The following LUZP1 variants were observed in gnomAD, a reference collection of about 807,000 sequenced individuals.
LUZP1 encodes the protein filamin mechanobinding actin cross-linking protein.
A neutral mutation model predicts 71.3 loss-of-function variants in LUZP1; 25 were observed. The observed-to-expected ratio is 0.35, with a 90% CI of 0.26 to 0.49. The LOEUF (loss-of-function observed/expected upper bound fraction) is 0.49. LUZP1 is among the 20% of genes least tolerant of loss of function. The pLI is 0.99. For synonymous variants in LUZP1, 481 were observed against 506.4 expected (o/e 0.95, Z 0.67); for missense variants, 1,142 against 1,300.8 (o/e 0.88, Z 1.88).
chr1:23,128,687 A>G (rs536644817), intron 2 of LUZP1, among the ~76,000 whole-genome samples: 10 of 152,380 alleles, frequency 6.6e-5, no homozygotes, highest in African/African-American at 2.4e-4. Context: ...AATTGGCACT[A>G]TTAAGTCTCC....
At chr1:23,133,764 A>AAAATAAATAAATAAAT (rs61270548) in intron 2 of LUZP1, 1 of 148,314 alleles carries the variant, frequency 6.7e-6, no homozygotes, top group African/African-American at 2.5e-5. Flanking sequence ...CTCCATCTCA[A>AAAATAAATAAATAAAT]AAATAAATAA....
At chr1:23,116,983 G>A (rs1038149371) in intron 2 of LUZP1, among the ~76,000 whole-genome samples, 2 of 152,200 alleles carry the variant, frequency 1.3e-5, no homozygotes, top group African/African-American at 4.8e-5. Flanking sequence ...GGTATCAGAA[G>A]AAGAATACTA....
chr1:23,137,448 C>G (rs1644263438), intron 2 of LUZP1, among the ~76,000 whole-genome samples: 1 of 152,106 alleles, frequency 6.6e-6, no homozygotes, highest in Non-Finnish European at 1.5e-5. Context: ...CAAAACCAGC[C>G]TGGCCAACAT....
rs1644588221 is a variant in LUZP1 at position 23,177,285 on chromosome 1, G to GAGGCAAATTACATT, written c.-485+205_-485+206insAATGTAATTTGCCT. ...CACAACATGTTACACAATTACAAGG[G>GAGGCAAATTACATT]GTTCACAGACCTCTGAGAGGACATC... On this transcript the variant is annotated intron_variant, in intron 1 of 4. Coordinates refer to ENST00000302291, the Ensembl canonical transcript of LUZP1. Among the ~76,000 whole-genome samples, 4 of 152,194 alleles carry GAGGCAAATTACATT rather than the reference G, an allele frequency of 2.6e-5. No individual in the cohort carries two copies. In the South Asian group the frequency reaches 8.3e-4, roughly 32 times the overall value.
At chr1:23,166,377 G>T (rs1023482989) in intron 2 of LUZP1, among the ~76,000 whole-genome samples, 1 of 152,056 alleles carries the variant, frequency 6.6e-6, no homozygotes, top group Non-Finnish European at 1.5e-5. Flanking sequence ...GATGCTGACT[G>T]GGAGCGGTGG....
exon 4 of LUZP1, chr1:23,091,262 T>C (rs1381789764): frequency 6.2e-7 from 1 of 1,613,938 alleles, no homozygotes; most frequent in Non-Finnish European, 8.5e-7. Flanking sequence ...TAAGCACCTC[T>C]GACACAGTGA....
chr1:23,167,637 T>C (rs1208801279), intron 2 of LUZP1, among the ~76,000 whole-genome samples: 2 of 152,092 alleles, frequency 1.3e-5, no homozygotes, highest in Non-Finnish European at 2.9e-5. Flanking sequence ...AGGAAAGGGG[T>C]TGACGCGATG....
At chr1:23,128,958 T>C (rs539274698) in intron 2 of LUZP1, among the ~76,000 whole-genome samples, 1 of 152,368 alleles carries the variant, frequency 6.6e-6, no homozygotes, top group Non-Finnish European at 1.5e-5. Context: ...CATAAGCCTA[T>C]ATATTGATTA....
At chr1:23,128,113 G>C (rs1035078945) in intron 2 of LUZP1, among the ~76,000 whole-genome samples, 6 of 151,900 alleles carry the variant, frequency 3.9e-5, no homozygotes, top group Non-Finnish European at 1.5e-5. Flanking sequence ...CCTGGTGACA[G>C]AGCGAGACTC....
At chr1:23,088,926 C>T (rs770562926) in exon 5 of LUZP1, 12 of 1,614,102 alleles carry the variant, frequency 7.4e-6, no homozygotes, top group Middle Eastern at 1.6e-4. Context: ...CCTGGTTGGC[C>T]GTAATCGTTC....
intron 2 of LUZP1, among the ~76,000 whole-genome samples, chr1:23,158,411 A>G (rs9426691): frequency 0.33 from 49,798 of 151,674 alleles, 8,565 homozygotes; most frequent in East Asian, 0.45. Context: ...AGCACTTTGG[A>G]AGGCCAAGGC....
intron 3 of LUZP1, among the ~76,000 whole-genome samples, chr1:23,102,135 T>C (rs774670035): frequency 2.6e-5 from 4 of 152,166 alleles, no homozygotes; most frequent in Non-Finnish European, 5.9e-5. Flanking sequence ...GGAAACTGTT[T>C]ATATTAAACC....
In LUZP1 at chr1:23,093,591, AT is replaced by A; in HGVS notation, c.670del (p.Met224Ter). The A allele has an allele frequency of 6.2e-7, 1 of 1,613,450 alleles. No individual in the cohort carries two copies. The highest frequency in any genetic ancestry group is 1.1e-5 in the South Asian group (1 of 90,828). On this transcript the variant is annotated frameshift_variant, in exon 4 of 5. Coordinates refer to ENST00000302291, the Ensembl canonical transcript of LUZP1. LOFTEE classifies it high-confidence loss of function. This position sits in a 1 kb window ranked among gnomAD's most constrained non-coding sequence, Gnocchi z 4.2. Reference sequence around the variant, plus strand: ...AGCATTCCTTGTATAATCTCGGTTCATTTTTTTGTTCTGCTCTAGTTTTTGA... The same window carrying A: ...AGCATTCCTTGTATAATCTCGGTTCATTTTTTGTTCTGCTCTAGTTTTTGA...
At chr1:23,174,949 A>G (rs1238164423) in intron 1 of LUZP1, among the ~76,000 whole-genome samples, 3 of 152,172 alleles carry the variant, frequency 2.0e-5, no homozygotes, top group Non-Finnish European at 4.4e-5. Context: ...TCATTCATTC[A>G]TTCATTCATT....
intron 2 of LUZP1, among the ~76,000 whole-genome samples, chr1:23,164,989 T>A (rs994282021): frequency 3.3e-5 from 5 of 152,234 alleles, no homozygotes; most frequent in African/African-American, 1.2e-4. Context: ...AAATGTATCC[T>A]CTGTCTTAAA....
In LUZP1 at chr1:23,094,193, T is replaced by C. The variant is rs1208845633; in HGVS notation, c.69A>G (p.Leu23=). 4 of 1,614,086 alleles carry C rather than the reference T, an allele frequency of 2.5e-6. No homozygotes were observed. The highest frequency in any genetic ancestry group is 3.4e-6 in the Non-Finnish European group (4 of 1,180,010). ...CCTCCAACTCATCAAGGCGGCGGCT[T>C]AGACTCTGTAGCTTAAACCGCAAGT... Residue 23 remains leucine, a synonymous_variant, in exon 4 of 5, where the codon CTA becomes CTG. Transcript: ENST00000302291. The surrounding 1 kb of genome is among the most constrained non-coding windows in gnomAD (Gnocchi z 4.7).
chr1:23,172,476 T>G lies in LUZP1; in HGVS notation c.-484-3452A>C, dbSNP rs534341876. 9.2e-5 allele frequency among the ~76,000 whole-genome samples: 14 copies of G among 151,794 alleles called. No homozygotes were observed. In the East Asian group the frequency reaches 2.7e-3, roughly 29 times the overall value. The stretch of plus-strand genomic sequence containing the variant: ...GAGTTTGAGACCAACCTGGGCAACA[T>G]AGTGAGACCCCTGTCTTTACAAAAA... On this transcript the variant is annotated intron_variant, in intron 1 of 4. Coordinates refer to ENST00000302291, the Ensembl canonical transcript of LUZP1.
At chr1:23,171,603 T>G (rs373956147) in intron 1 of LUZP1, among the ~76,000 whole-genome samples, 1 of 152,168 alleles carries the variant, frequency 6.6e-6, no homozygotes, top group African/African-American at 2.4e-5. Context: ...GGGAGGAACT[T>G]TGGGGTTCTG....
chr1:23,128,217 TA>T (rs1214044129), intron 2 of LUZP1, among the ~76,000 whole-genome samples: 3 of 147,506 alleles, frequency 2.0e-5, no homozygotes, highest in Admixed American at 6.8e-5. Context: ...GTTTCTCAGT[TA>T]AAAAAAAAAC....
Sources: gnomAD v4.1 joint callset for allele counts (sites outside exome capture counted in the v4.1 genomes callset) on GRCh38, gnomAD v4.1.1 for gene constraint, Gnocchi (gnomAD v3.1) non-coding constraint, MANE v1.5 for transcripts, NCBI Gene and HGNC (gene_info 2026-07-23, HGNC 2026-07-21) for gene names.